KDM2A: variants seen among roughly 807,000 people sequenced by gnomAD.
KDM2A encodes lysine-specific demethylase 2A.
A neutral mutation model predicts 137.3 loss-of-function variants in KDM2A; 3 were observed. The ratio of observed to expected loss-of-function variants is 0.02; its 90% CI spans 0.01 to 0.06. The LOEUF (loss-of-function observed/expected upper bound fraction) is 0.06, where lower values mean the gene tolerates loss of function less well. Ranked by LOEUF, KDM2A falls within the 10% of genes least tolerant of loss-of-function variation. The probability of loss-of-function intolerance (pLI) is 1.00; values close to 1 mark genes in which losing one functional copy is unlikely to be tolerated. For missense variants in KDM2A, 738 were observed against 1,510.6 expected (o/e 0.49, Z 8.48); for synonymous variants, 512 against 541.5 (o/e 0.95, Z 0.76).
At chr11:67,194,054 T>C (rs540041708) in intron 5 of KDM2A, among the ~76,000 whole-genome samples, 1 of 152,372 alleles carries the variant, frequency 6.6e-6, no homozygotes, top group South Asian at 2.1e-4. Context: ...TAAAATTTAA[T>C]CTCATTTCTT....
Position 67,250,303 on chromosome 11 carries a change from A to G in KDM2A, c.2273A>G (p.Lys758Arg). 1.2e-6 allele frequency: 2 copies of G among 1,613,952 alleles called. No individual in the cohort carries two copies. Among genetic ancestry groups the G allele is most frequent in the Non-Finnish European group, 1.7e-6 (2 of 1,179,882 alleles). ...HHSASRDERF[K>R]RRQLLRLQAT... is the part of the protein sequence containing the mutation. ...AGTGCCAGCCGCGATGAGCGCTTCAAACGGCGGCAGTTGCTGCGGCTGCAG... is the reference window on the plus strand; with the variant it reads ...AGTGCCAGCCGCGATGAGCGCTTCAGACGGCGGCAGTTGCTGCGGCTGCAG... The change falls in exon 17 of 21, where the codon AAA becomes AGA. Residue 758 changes from lysine to arginine, a missense_variant. Lys to Arg is a conservative substitution (Grantham distance 26, BLOSUM62 2). Transcript: ENST00000529006. The surrounding 1 kb of genome is among the most constrained non-coding windows in gnomAD (Gnocchi z 7.1).
At chr11:67,237,226 A>G (rs1041707767) in intron 12 of KDM2A, among the ~76,000 whole-genome samples, 11 of 152,178 alleles carry the variant, frequency 7.2e-5, no homozygotes, top group African/African-American at 2.2e-4. Flanking sequence ...TTTTGGAACT[A>G]TGATCTAAAA....
At chr11:67,240,590 C>T (rs191766123) in intron 12 of KDM2A, among the ~76,000 whole-genome samples, 2 of 152,320 alleles carry the variant, frequency 1.3e-5, no homozygotes, top group Non-Finnish European at 2.9e-5. Flanking sequence ...TCCCTCTCTG[C>T]CCAGGCACCT....
At chr11:67,182,294 C>T (rs1369353037) in intron 5 of KDM2A, among the ~76,000 whole-genome samples, 1 of 152,016 alleles carries the variant, frequency 6.6e-6, no homozygotes, top group Non-Finnish European at 1.5e-5. Context: ...TGGAAACTTG[C>T]CTAAGACTTG....
At chr11:67,130,152 A>G (rs1379031040) in intron 2 of KDM2A, among the ~76,000 whole-genome samples, 1 of 149,916 alleles carries the variant, frequency 6.7e-6, no homozygotes, top group African/African-American at 2.5e-5. Context: ...TCTTGCACCA[A>G]AGCTTTCTAA....
At position 67,228,229 on chromosome 11, in the gene KDM2A, T is replaced by C. The variant is rs573531665; in HGVS notation, c.1084+66T>C. The C allele has an allele frequency of 1.1e-4, 166 of 1,520,586 alleles. 1 individual carries two copies. The South Asian group carries it at 1.9e-3, about 17-fold the overall frequency. The allele number at this position is 1,520,586 out of a possible 1,614,324, so 94.2% of individuals were successfully genotyped here. On this transcript the variant is annotated intron_variant, in intron 11 of 20. Transcript: ENST00000529006. The stretch of plus-strand genomic sequence containing the variant: ...GGTCTGAGGGTGAGGCCCGAAATAC[T>C]CAGTAGGCTGTCACTCAATATGTTC...
chr11:67,156,804 G>A (rs1332873878), intron 2 of KDM2A, among the ~76,000 whole-genome samples: 5 of 151,592 alleles, frequency 3.3e-5, no homozygotes, highest in African/African-American at 4.9e-5. Flanking sequence ...CAGGAGAATC[G>A]CTTGAACCTG....
At chr11:67,128,177 A>G (rs2076285956) in intron 2 of KDM2A, among the ~76,000 whole-genome samples, 1 of 151,558 alleles carries the variant, frequency 6.6e-6, no homozygotes, top group African/African-American at 2.4e-5. Flanking sequence ...TTATTTTTAA[A>G]TTCTTTCTAG....
intron 2 of KDM2A, among the ~76,000 whole-genome samples, chr11:67,175,729 T>C (rs1052964288): frequency 1.3e-5 from 2 of 152,188 alleles, no homozygotes; most frequent in East Asian, 3.8e-4. Context: ...GAATCCGTTA[T>C]GGTAGACCTA....
intron 6 of KDM2A, among the ~76,000 whole-genome samples, chr11:67,213,022 T>C (rs569948808): frequency 1.3e-5 from 2 of 152,192 alleles, no homozygotes; most frequent in Non-Finnish European, 2.9e-5. Flanking sequence ...TGGTTAAAAT[T>C]GTTGGCTCCC....
intron 2 of KDM2A, among the ~76,000 whole-genome samples, chr11:67,160,488 C>T (rs1349812692): frequency 2.0e-5 from 3 of 152,060 alleles, no homozygotes; most frequent in Non-Finnish European, 4.4e-5. Context: ...AATAGATCTT[C>T]TGGGCCGGGT....
At chr11:67,127,909 T>C (rs908700909) in intron 2 of KDM2A, among the ~76,000 whole-genome samples, 4 of 151,882 alleles carry the variant, frequency 2.6e-5, no homozygotes, top group Admixed American at 6.6e-5. Flanking sequence ...TTTCACCATG[T>C]TAGCCAGGCT....
At chr11:67,159,791 T>C (rs1280445331) in intron 2 of KDM2A, among the ~76,000 whole-genome samples, 1 of 152,062 alleles carries the variant, frequency 6.6e-6, no homozygotes, top group Non-Finnish European at 1.5e-5. Context: ...TTGAAGACAA[T>C]AGTGGGAATG....
intron 13 of KDM2A, among the ~76,000 whole-genome samples, chr11:67,244,501 G>C (rs543093582): frequency 1.3e-5 from 2 of 152,048 alleles, no homozygotes; most frequent in African/African-American, 2.4e-5. Context: ...CATGGCACTT[G>C]ATACAGAAAG....
intron 15 of KDM2A, 42 bp from the exon 16 acceptor site, chr11:67,248,239 C>A (rs1859308089): frequency 1.4e-6 from 2 of 1,388,306 alleles, no homozygotes; most frequent in African/African-American, 1.4e-5. Context: ...ATAAAGGAAG[C>A]TTGAGAGACA....
At chr11:67,148,866 T>C (rs1020039535) in intron 2 of KDM2A, among the ~76,000 whole-genome samples, 1 of 152,068 alleles carries the variant, frequency 6.6e-6, no homozygotes, top group South Asian at 2.1e-4. Flanking sequence ...CAGCTGAAAT[T>C]GTCTATGGTA....
At chr11:67,242,932 G>A in intron 12 of KDM2A, 77 bp from the exon 13 acceptor site, 3 of 1,113,288 alleles carry the variant, frequency 2.7e-6, no homozygotes, top group Admixed American at 1.7e-5. Context: ...CTGAGGCAGA[G>A]TCTGGATGCT....
rs548154191 is a variant in KDM2A, at chr11:67,168,464, G to A, written c.43-11615G>A. Among the ~76,000 whole-genome samples, 8 of 151,998 alleles carry A rather than the reference G, an allele frequency of 5.3e-5. No homozygotes were observed. The South Asian group carries it at 1.7e-3, about 32-fold the overall frequency. ...CTAGTGGCCAGCAATCTTCTTGAGT[G>A]CTAGGACTACATTTTAATTTTTGTA... On this transcript the variant is annotated intron_variant, in intron 2 of 20. Transcript: ENST00000529006.
chr11:67,185,715 A>G (rs1857187070), intron 5 of KDM2A, among the ~76,000 whole-genome samples: 1 of 151,800 alleles, frequency 6.6e-6, no homozygotes, highest in Admixed American at 6.6e-5. Flanking sequence ...AAGCAGTGGG[A>G]TCTTTAAGAG....
Sources: allele counts gnomAD v4.1 joint callset (sites outside exome capture counted in the v4.1 genomes callset), GRCh38; gene constraint gnomAD v4.1.1; non-coding constraint Gnocchi (gnomAD v3.1); transcripts MANE v1.5; gene names NCBI Gene and HGNC (gene_info 2026-07-23, HGNC 2026-07-21).